TSHZ2: variants seen among roughly 807,000 people sequenced by gnomAD.
The protein encoded by TSHZ2 is teashirt zinc finger homeobox 2.
A neutral mutation model predicts 74.4 loss-of-function variants in TSHZ2; 21 were observed. The ratio of observed to expected loss-of-function variants is 0.28; its 90% CI spans 0.20 to 0.41. The LOEUF is 0.41. TSHZ2 is among the 10% of genes least tolerant of loss of function. The pLI, the probability that TSHZ2 is intolerant of heterozygous loss-of-function variation, is 1.00. For synonymous variants in TSHZ2, 540 were observed against 515.3 expected, an observed-to-expected ratio of 1.05 and a Z score of -0.65; for missense variants, 1,244 against 1,293.5, an observed-to-expected ratio of 0.96 and a Z score of 0.59.
intron 2 of TSHZ2, among the ~76,000 whole-genome samples, chr20:53,262,379 G>A (rs1255872505): frequency 6.6e-6 from 1 of 152,166 alleles, no homozygotes; most frequent in African/African-American, 2.4e-5. Context: ...TTGGAAATGA[G>A]CAGGCGTTCA....
chr20:53,016,873 A>G (rs1983056989), intron 1 of TSHZ2, among the ~76,000 whole-genome samples: 1 of 152,108 alleles, frequency 6.6e-6, no homozygotes, highest in South Asian at 2.1e-4. Flanking sequence ...CCCAAATCAC[A>G]ATGACTTAAC....
chr20:53,087,535 G>A (rs1985735149), intron 1 of TSHZ2, among the ~76,000 whole-genome samples: 1 of 152,168 alleles, frequency 6.6e-6, no homozygotes, highest in African/African-American at 2.4e-5. Flanking sequence ...ATTGCCTCGT[G>A]GGTGTCTCTT....
intron 1 of TSHZ2, among the ~76,000 whole-genome samples, chr20:52,996,142 C>A (rs1982179125): frequency 6.6e-6 from 1 of 151,954 alleles, no homozygotes. Context: ...TGCATTTATG[C>A]TTTGGGGCAC....
intron 1 of TSHZ2, among the ~76,000 whole-genome samples, chr20:53,020,435 G>A (rs1343041511): frequency 2.0e-5 from 3 of 152,188 alleles, no homozygotes; most frequent in African/African-American, 7.2e-5. Flanking sequence ...CCTAACAGCT[G>A]TATCCTAACT....
In TSHZ2 at chr20:53,254,506, G is replaced by T; in HGVS notation, c.1048G>T (p.Ala350Ser). The T allele has an allele frequency of 2.5e-6, 4 of 1,614,006 alleles. No homozygotes were observed. The highest frequency in any genetic ancestry group is 3.4e-6 in the Non-Finnish European group (4 of 1,179,946). The change falls in exon 2 of 3, where the codon GCC becomes TCC. Residue 350 changes from alanine (A) to serine (S), a missense_variant. Physicochemically the swap from Ala to Ser is moderately conservative, Grantham distance 99. Around this residue, in one of 6 missense-constraint regions of TSHZ2, gnomAD observed 470 missense variants for 456.5 expected, o/e 1.03. Coordinates refer to ENST00000371497, the MANE Select transcript of TSHZ2 (RefSeq NM_173485.6). ...AGATTCTTTTTCTTCTCAGAAGAAC[G>T]CCAACTTGCAGTTGTCCTCCAACAA... is the stretch of plus-strand genomic sequence containing the variant. ...FADSFSSQKNANLQLSSNNRY... is the reference protein window; with the variant it reads ...FADSFSSQKNSNLQLSSNNRY...
intron 1 of TSHZ2, among the ~76,000 whole-genome samples, chr20:53,039,065 T>C (rs772956393): frequency 5.9e-5 from 9 of 152,100 alleles, no homozygotes; most frequent in Non-Finnish European, 1.3e-4. Flanking sequence ...TTTGTATTTT[T>C]AGTAGAGACA....
At chr20:53,335,103 A>C (rs1979892223) in intron 2 of TSHZ2, among the ~76,000 whole-genome samples, 1 of 152,316 alleles carries the variant, frequency 6.6e-6, no homozygotes, top group Non-Finnish European at 1.5e-5. Flanking sequence ...CATGCCTTGG[A>C]CCAGTGGTTC....
chr20:53,352,741 C>A (rs1205267744), intron 2 of TSHZ2, among the ~76,000 whole-genome samples: 1 of 149,386 alleles, frequency 6.7e-6, no homozygotes, highest in Non-Finnish European at 1.5e-5. Context: ...GCCACTGCAC[C>A]CCAGCCTGGG....
intron 2 of TSHZ2, among the ~76,000 whole-genome samples, chr20:53,277,682 T>C (rs1346727804): frequency 6.6e-6 from 1 of 152,218 alleles, no homozygotes; most frequent in African/African-American, 2.4e-5. Flanking sequence ...ATAGAGGGCC[T>C]GTTTCCCAAG....
intron 1 of TSHZ2, among the ~76,000 whole-genome samples, chr20:53,014,195 CAGAGAGAG>C (rs10539599): frequency 3.5e-4 from 52 of 150,026 alleles, no homozygotes; most frequent in African/African-American, 4.9e-4. Context: ...CTTCATACGG[CAGAGAGAG>C]AGAGAGAGAG....
At chr20:53,177,481 A>G (rs1486806368) in intron 1 of TSHZ2, among the ~76,000 whole-genome samples, 1 of 152,186 alleles carries the variant, frequency 6.6e-6, no homozygotes, top group South Asian at 2.1e-4. Context: ...ACTGGTGCAC[A>G]TACGGCTGGT....
intron 1 of TSHZ2, among the ~76,000 whole-genome samples, chr20:53,202,068 G>A (rs1476135488): frequency 6.6e-6 from 1 of 152,198 alleles, no homozygotes; most frequent in Non-Finnish European, 1.5e-5. Flanking sequence ...CACATGGACA[G>A]TATGGAAACA....
At chr20:53,202,832 A>G (rs1400387070) in intron 1 of TSHZ2, among the ~76,000 whole-genome samples, 1 of 152,150 alleles carries the variant, frequency 6.6e-6, no homozygotes, top group East Asian at 1.9e-4. Context: ...GTTTTGATGT[A>G]TGCTATAACT....
chr20:53,125,081 A>C (rs1385563399), intron 1 of TSHZ2, among the ~76,000 whole-genome samples: 1 of 152,210 alleles, frequency 6.6e-6, no homozygotes, highest in African/African-American at 2.4e-5. Context: ...CAATTTACTC[A>C]ACCTCTTTTG....
At chr20:53,087,336 ATTGT>A (rs1985729343) in intron 1 of TSHZ2, among the ~76,000 whole-genome samples, 1 of 152,168 alleles carries the variant, frequency 6.6e-6, no homozygotes. Flanking sequence ...AACACAGATA[ATTGT>A]TTGCACAGTT....
chr20:53,367,339 GGCT>G (rs1468293560), intron 2 of TSHZ2, among the ~76,000 whole-genome samples: 7 of 151,862 alleles, frequency 4.6e-5, no homozygotes, highest in Non-Finnish European at 7.4e-5. Flanking sequence ...GGGAGGCGGA[GGCT>G]GCAGTGAGCC....
chr20:53,335,359 G>T (rs1194677524), intron 2 of TSHZ2, among the ~76,000 whole-genome samples: 1 of 152,202 alleles, frequency 6.6e-6, no homozygotes, highest in East Asian at 1.9e-4. Flanking sequence ...TTTAAAGGTA[G>T]ACTTGGACAA....
intron 1 of TSHZ2, among the ~76,000 whole-genome samples, chr20:53,076,256 A>AG (rs1457325708): frequency 2.0e-5 from 3 of 152,216 alleles, no homozygotes; most frequent in African/African-American, 7.2e-5. Context: ...GGATGACAGC[A>AG]GAAAGGATGA....
intron 1 of TSHZ2, among the ~76,000 whole-genome samples, chr20:53,119,616 CA>C (rs1263058494): frequency 6.6e-6 from 1 of 151,856 alleles, no homozygotes; most frequent in African/African-American, 2.4e-5. Flanking sequence ...ATGTAATATG[CA>C]AAAAAAGAAT....
Sources: allele counts gnomAD v4.1 joint callset (sites outside exome capture counted in the v4.1 genomes callset), GRCh38; gene constraint gnomAD v4.1.1; regional missense constraint gnomAD v4.1.1; transcripts MANE v1.5; gene names NCBI Gene and HGNC (gene_info 2026-07-23, HGNC 2026-07-21).